Variants in CLCN3 observed in about 807,000 individuals in gnomAD.
The protein encoded by CLCN3 is Cl-/H+ antiporter 3, also known as H(+)/Cl(-) exchange transporter 3.
In CLCN3, 16 loss-of-function variants were observed where a neutral mutation model predicts 83.4. That is an observed-to-expected ratio of 0.19 (90% CI 0.13 to 0.29). The LOEUF (loss-of-function observed/expected upper bound fraction) is 0.29. CLCN3 is among the 10% of genes least tolerant of loss of function. CLCN3 has a pLI of 1.00. For synonymous variants in CLCN3, 322 were observed against 346.2 expected (o/e 0.93, Z 0.78); for missense variants, 544 against 1,006.0 (o/e 0.54, Z 6.21).
intron 10 of CLCN3, among the ~76,000 whole-genome samples, chr4:169,704,527 C>T (rs1732916946): frequency 1.3e-5 from 2 of 152,120 alleles, no homozygotes; most frequent in African/African-American, 2.4e-5. Flanking sequence ...CTTGGCTTAC[C>T]TATAACAACT....
At chr4:169,664,220 C>T (rs1291068865) in intron 2 of CLCN3, among the ~76,000 whole-genome samples, 1 of 152,124 alleles carries the variant, frequency 6.6e-6, no homozygotes, top group African/African-American at 2.4e-5. Flanking sequence ...TGGGCTTAAA[C>T]CACAAAAAGT....
chr4:169,687,773 C>G lies in CLCN3; in HGVS notation c.418+16C>G. ...TTGGCATCAGGTAAAGAAAATTTTT[C>G]AAGCAATCCTTTTTTAGTTAACAGA... is the stretch of plus-strand genomic sequence containing the variant. On this transcript the variant is annotated intron_variant, in intron 4 of 12. Transcript: ENST00000513761. 1 of 1,429,386 alleles carries G rather than the reference C, an allele frequency of 7.0e-7. No individual in the cohort carries two copies. Among genetic ancestry groups the G allele is most frequent in the Non-Finnish European group, 9.6e-7 (1 of 1,039,092 alleles). The allele number at this position is 1,429,386 out of a possible 1,614,324, so 88.5% of individuals were successfully genotyped here. A position where few individuals can be genotyped will look rare whatever the true frequency, so the allele number is the denominator to read the frequency against.
intron 1 of CLCN3, among the ~76,000 whole-genome samples, chr4:169,623,404 G>T (rs1335935241): frequency 6.6e-6 from 1 of 152,086 alleles, no homozygotes; most frequent in Non-Finnish European, 1.5e-5. Flanking sequence ...GATAATCATT[G>T]TGTATATTTA....
At chr4:169,652,264 G>C (rs554459214) in intron 2 of CLCN3, among the ~76,000 whole-genome samples, 7 of 152,064 alleles carry the variant, frequency 4.6e-5, no homozygotes, top group Admixed American at 4.6e-4. Context: ...TTTACTTTGT[G>C]GTTTGCTCAT....
intron 2 of CLCN3, among the ~76,000 whole-genome samples, chr4:169,672,750 G>A (rs547541831): frequency 1.3e-5 from 2 of 151,922 alleles, no homozygotes; most frequent in Middle Eastern, 3.4e-3. Flanking sequence ...TGCAACCTTC[G>A]CCTCCTGCAT....
At chr4:169,693,446 C>T (rs1185438124) in intron 7 of CLCN3, among the ~76,000 whole-genome samples, 2 of 152,112 alleles carry the variant, frequency 1.3e-5, no homozygotes, top group African/African-American at 2.4e-5. Context: ...CCCTGTTATC[C>T]TCATTTAGTG....
At chr4:169,660,555 C>A in intron 2 of CLCN3, 2 of 693,510 alleles carry the variant, frequency 2.9e-6, no homozygotes, top group South Asian at 5.8e-5. Flanking sequence ...TACTGCAGTA[C>A]GTTGTTTAGT....
intron 11 of CLCN3, among the ~76,000 whole-genome samples, chr4:169,711,636 C>T (rs911712053): frequency 1.3e-5 from 2 of 152,140 alleles, no homozygotes; most frequent in African/African-American, 4.8e-5. Context: ...AGACGTGAGC[C>T]ACTGCGCCTG....
intron 3 of CLCN3, 48 bp downstream of exon 3, chr4:169,680,255 T>A (rs1404791169): frequency 7.5e-7 from 1 of 1,328,164 alleles, no homozygotes; most frequent in East Asian, 2.4e-5. Flanking sequence ...CATAATTAGA[T>A]CTTTTAATAA....
intron 12 of CLCN3, among the ~76,000 whole-genome samples, chr4:169,717,623 T>C (rs995385791): frequency 6.6e-6 from 1 of 152,220 alleles, no homozygotes; most frequent in Non-Finnish European, 1.5e-5. Flanking sequence ...GTAGAATTTA[T>C]GCAAAAGGAA....
intron 2 of CLCN3, among the ~76,000 whole-genome samples, chr4:169,676,511 T>C (rs1380267113): frequency 7.3e-6 from 1 of 136,640 alleles, no homozygotes; most frequent in African/African-American, 2.5e-5. Context: ...CTTTTTCTTT[T>C]CTTTTTTTTT....
intron 5 of CLCN3, 111 bp from the exon 6 acceptor site, chr4:169,690,419 A>C: frequency 9.1e-7 from 1 of 1,096,820 alleles, no homozygotes. Flanking sequence ...TGCTGGGATT[A>C]CAGGCGTGAG....
chr4:169,718,916 T>G (rs1000346415), intron 12 of CLCN3, among the ~76,000 whole-genome samples: 1 of 152,212 alleles, frequency 6.6e-6, no homozygotes, highest in African/African-American at 2.4e-5. Context: ...ATGTAAGCAT[T>G]AACAACTAAG....
intron 2 of CLCN3, among the ~76,000 whole-genome samples, chr4:169,666,325 G>T (rs903466170): frequency 6.6e-6 from 1 of 152,118 alleles, no homozygotes; most frequent in Non-Finnish European, 1.5e-5. Context: ...CAAAAGCTAA[G>T]AAAAAGTTTG....
At chr4:169,715,987 G>A (rs1460027651) in intron 12 of CLCN3, among the ~76,000 whole-genome samples, 1 of 152,108 alleles carries the variant, frequency 6.6e-6, no homozygotes, top group Non-Finnish European at 1.5e-5. Context: ...GTTTGAAAAT[G>A]CAACTATTTT....
chr4:169,625,703 T>G (rs942436164), intron 1 of CLCN3, among the ~76,000 whole-genome samples: 1 of 152,230 alleles, frequency 6.6e-6, no homozygotes, highest in Non-Finnish European at 1.5e-5. Context: ...TTAGTGGATA[T>G]CTTAGATTCT....
intron 7 of CLCN3, among the ~76,000 whole-genome samples, chr4:169,694,845 A>T (rs932198271): frequency 2.0e-5 from 3 of 152,188 alleles, no homozygotes; most frequent in African/African-American, 7.2e-5. Flanking sequence ...GTCTCAAAAA[A>T]AATAAAGGAA....
intron 1 of CLCN3, among the ~76,000 whole-genome samples, chr4:169,635,668 G>A (rs967081592): frequency 2.6e-5 from 4 of 151,906 alleles, no homozygotes; most frequent in Non-Finnish European, 5.9e-5. Flanking sequence ...GTAAATATAC[G>A]TTACATTTTT....
intron 12 of CLCN3, among the ~76,000 whole-genome samples, chr4:169,717,637 G>A (rs1733475128): frequency 2.0e-5 from 3 of 152,050 alleles, no homozygotes; most frequent in Admixed American, 2.0e-4. Flanking sequence ...AAAGGAACCT[G>A]GAACTTTAAA....
Sources: gnomAD v4.1 joint callset for allele counts (sites outside exome capture counted in the v4.1 genomes callset) on GRCh38, gnomAD v4.1.1 for gene constraint, MANE v1.5 for transcripts, NCBI Gene and HGNC (gene_info 2026-07-23, HGNC 2026-07-21) for gene names.